The following CCDC51 variants were observed in gnomAD, a reference collection of about 807,000 sequenced individuals.
CCDC51 encodes the protein mitochondrial potassium channel.
Under a neutral mutation model 24.8 loss-of-function variants are expected in CCDC51, and 25 were observed. The observed-to-expected ratio is 1.01, with a 90% CI of 0.73 to 1.41. The LOEUF (loss-of-function observed/expected upper bound fraction) is 1.41. Ranked by LOEUF, CCDC51 falls within the 40% of genes most tolerant of loss-of-function variation. CCDC51 has a pLI of 0.00. For missense variants in CCDC51, 466 were observed against 519.1 expected (o/e 0.90, Z 0.99); for synonymous variants, 190 against 204.3 (o/e 0.93, Z 0.60).
chr3:48,442,187 G>T (rs1254490817), upstream of CCDC51, among the ~76,000 whole-genome samples: 1 of 151,746 alleles, frequency 6.6e-6, no homozygotes, highest in Non-Finnish European at 1.5e-5. Flanking sequence ...ATTTGAGCAC[G>T]GGAGTTCAGG....
Position 48,433,134 on chromosome 3 carries a change from A to C in CCDC51, c.510T>G (p.Arg170=). 2 of 1,613,606 alleles carry C rather than the reference A, an allele frequency of 1.2e-6. No individual in the cohort carries two copies. The highest frequency in any genetic ancestry group is 1.7e-6 in the Non-Finnish European group (2 of 1,179,936). Reference sequence around the variant, plus strand: ...ACTTCTCTCGCTCAGAGTCTTCTGCACGCAGATAGGCTGTGCGAAGCCTCT... The same window carrying C: ...ACTTCTCTCGCTCAGAGTCTTCTGCCCGCAGATAGGCTGTGCGAAGCCTCT... ...EEKRLRTAYL[R]AEDSEREKFS... The change falls in exon 4 of 4, where the codon CGT becomes CGG. Residue 170 remains arginine (R), a synonymous_variant. Coordinates refer to ENST00000395694, the MANE Select transcript of CCDC51 (RefSeq NM_001256964.2). The surrounding 1 kb of genome is among the most constrained non-coding windows in gnomAD (Gnocchi z 4.4).
chr3:48,441,588 A>G (rs1329417268), upstream of CCDC51, among the ~76,000 whole-genome samples: 1 of 151,986 alleles, frequency 6.6e-6, no homozygotes, highest in Admixed American at 6.6e-5. Context: ...GATAAAGTCC[A>G]GGCTCTTCAG....
chr3:48,440,650 C>T (rs763592677), upstream of CCDC51: 3 of 1,603,698 alleles, frequency 1.9e-6, no homozygotes, highest in Non-Finnish European at 2.6e-6. Flanking sequence ...CCGAATGGAG[C>T]TCAAGCTGGC....
the CCDC51 span, chr3:48,446,540 G>A: frequency 4.7e-5 from 12 of 254,418 alleles, no homozygotes; most frequent in South Asian, 1.9e-3. Flanking sequence ...CACCAGCGCG[G>A]CGGAGCTGGT....
intron 1 of CCDC51, among the ~76,000 whole-genome samples, chr3:48,436,570 C>A (rs2039361584): frequency 6.6e-6 from 1 of 152,250 alleles, no homozygotes; most frequent in Non-Finnish European, 1.5e-5. Flanking sequence ...CAGGCCCCAG[C>A]AGCCCAGTCA....
intron 1 of CCDC51, among the ~76,000 whole-genome samples, chr3:48,436,999 G>A (rs1354343821): frequency 1.3e-5 from 2 of 152,064 alleles, no homozygotes; most frequent in South Asian, 2.1e-4. Context: ...GAAATCCTGA[G>A]ACCTCTCAGC....
intron 2 of CCDC51, 152 bp from the exon 3 acceptor site, chr3:48,434,023 C>T (rs1157189268): frequency 7.0e-7 from 1 of 1,421,440 alleles, no homozygotes; most frequent in Non-Finnish European, 9.2e-7. Context: ...TCCTGGCTCA[C>T]CCAGTGGTGC....
rs189355364 is a variant in CCDC51, at chr3:48,433,449, C to T, written c.477+258G>A. ...AAGTGTCCAGCACTCCCTAGGCCAG[C>T]CCCTCCATAGTTCTCCTTCCTCAGC... On this transcript the variant is annotated intron_variant, in intron 3 of 3. Transcript: ENST00000395694. The surrounding 1 kb of genome is among the most constrained non-coding windows in gnomAD (Gnocchi z 4.4). 1.3e-5 allele frequency among the ~76,000 whole-genome samples: 2 copies of T among 152,330 alleles called. No homozygotes were observed. Among genetic ancestry groups the T allele is most frequent in the Admixed American group, 1.3e-4 (2 of 15,310 alleles).
intron 1 of CCDC51, 41 bp downstream of exon 1, chr3:48,439,947 A>T (rs1301151164): frequency 7.9e-6 from 3 of 381,382 alleles, no homozygotes; most frequent in Non-Finnish European, 1.4e-5. Context: ...GAAAGCGACG[A>T]GCTTGAAGCT....
rs753336329 is a variant in CCDC51 at position 48,433,147 on chromosome 3, GT to G, written c.496del (p.Thr166GlnfsTer48). The G allele has an allele frequency of 2.5e-6, 4 of 1,611,348 alleles. No individual in the cohort carries two copies. In the South Asian group the frequency reaches 4.4e-5, roughly 18 times the overall value. On this transcript the variant is annotated frameshift_variant, in exon 4 of 4. Coordinates refer to ENST00000395694, the MANE Select transcript of CCDC51 (RefSeq NM_001256964.2). LOFTEE classifies it high-confidence loss of function. This position sits in a 1 kb window ranked among gnomAD's most constrained non-coding sequence, Gnocchi z 4.4. ...AGAGTCTTCTGCACGCAGATAGGCTGTGCGAAGCCTCTTCTCCTCCTGCAGA... is the reference window on the plus strand; with the variant it reads ...AGAGTCTTCTGCACGCAGATAGGCTGGCGAAGCCTCTTCTCCTCCTGCAGA... ...RMLQEEKRLR[T>X]AYLRAEDSER... is the part of the protein sequence containing the mutation.
At chr3:48,442,183 G>A (rs1180935616), upstream of CCDC51, among the ~76,000 whole-genome samples, 1 of 151,566 alleles carries the variant, frequency 6.6e-6, no homozygotes, top group African/African-American at 2.4e-5. Flanking sequence ...GATTATTTGA[G>A]CACGGGAGTT....
upstream of CCDC51, among the ~76,000 whole-genome samples, chr3:48,442,671 C>T (rs553575062): frequency 2.0e-5 from 3 of 151,806 alleles, no homozygotes; most frequent in South Asian, 6.3e-4. Context: ...AGGATGGTCT[C>T]GATCTCCTGA....
intron 1 of CCDC51, among the ~76,000 whole-genome samples, chr3:48,436,823 CAG>C (rs1025885654): frequency 5.9e-5 from 9 of 152,240 alleles, no homozygotes; most frequent in African/African-American, 2.2e-4. Context: ...CCATTCCTGG[CAG>C]AGATGACAGC....
upstream of CCDC51, chr3:48,443,701 C>A: frequency 1.9e-6 from 1 of 533,806 alleles, no homozygotes; most frequent in African/African-American, 2.0e-5. Flanking sequence ...CTAGAACAGA[C>A]AGTATCAGTG....
intron 1 of CCDC51, among the ~76,000 whole-genome samples, 161 bp downstream of exon 1, chr3:48,439,827 C>T (rs1388026160): frequency 6.6e-6 from 1 of 152,158 alleles, no homozygotes. Flanking sequence ...TTATAAAACT[C>T]CTTACAGGGT....
upstream of CCDC51, among the ~76,000 whole-genome samples, chr3:48,441,251 A>G (rs1382577529): frequency 1.3e-5 from 2 of 151,792 alleles, no homozygotes; most frequent in African/African-American, 2.4e-5. Context: ...TCACCATCTT[A>G]GCCAGGCTGG....
chr3:48,436,730 T>G (rs2039367083), intron 1 of CCDC51, among the ~76,000 whole-genome samples: 2 of 152,304 alleles, frequency 1.3e-5, no homozygotes, highest in Admixed American at 1.3e-4. Flanking sequence ...TCACTGCCCC[T>G]CTTGGCTTCC....
chr3:48,436,301 G>C (rs900694899), intron 1 of CCDC51, among the ~76,000 whole-genome samples: 1 of 152,142 alleles, frequency 6.6e-6, no homozygotes, highest in Non-Finnish European at 1.5e-5. Context: ...CTGATGGAAG[G>C]TGATATGAGA....
chr3:48,432,792 T>G lies in CCDC51; in HGVS notation c.852A>C (p.Ser284=). Residue 284 remains serine (S), a synonymous_variant, in exon 4 of 4, where the codon TCA becomes TCC. Transcript: ENST00000395694. The part of the protein sequence containing the change: ...HAAGPGQDSG[S]QAGSPPTRDR... ...CTCTGGTCGGGGGACTACCTGCCTG[T>G]GACCCAGAGTCCTGCCCTGGCCCAG... is the stretch of plus-strand genomic sequence containing the variant. 2 of 1,614,188 alleles carry G rather than the reference T, an allele frequency of 1.2e-6. No individual in the cohort carries two copies. Among genetic ancestry groups the G allele is most frequent in the Non-Finnish European group, 1.7e-6 (2 of 1,180,042 alleles).
Sources: gnomAD v4.1 joint callset for allele counts (sites outside exome capture counted in the v4.1 genomes callset) on GRCh38, gnomAD v4.1.1 for gene constraint, Gnocchi (gnomAD v3.1) non-coding constraint, MANE v1.5 for transcripts, NCBI Gene and HGNC (gene_info 2026-07-23, HGNC 2026-07-21) for gene names.